Variants in VPS13B observed in about 807,000 individuals in gnomAD.
VPS13B encodes intermembrane lipid transfer protein VPS13B.
Under a neutral mutation model 426.4 loss-of-function variants are expected in VPS13B, and 285 were observed. The observed-to-expected ratio is 0.67, with a 90% confidence interval of 0.61 to 0.74. VPS13B has a LOEUF of 0.74. Ranked by LOEUF, VPS13B falls within the 30% of genes least tolerant of loss-of-function variation. VPS13B has a pLI of 0.00. For missense variants in VPS13B, 4,537 were observed against 4,782.6 expected (o/e 0.95, Z 1.51); for synonymous variants, 1,676 against 1,676.4 (o/e 1.00, Z 0.01).
At chr8:99,366,755 GTTGTATGTTT>G (rs1812915979) in intron 19 of VPS13B, among the ~76,000 whole-genome samples, 1 of 151,468 alleles carries the variant, frequency 6.6e-6, no homozygotes, top group East Asian at 1.9e-4. Flanking sequence ...TTGTGTATCT[GTTGTATGTTT>G]TTTGATTTAA....
chr8:99,446,740 C>T (rs987936037), intron 23 of VPS13B, among the ~76,000 whole-genome samples: 6 of 152,072 alleles, frequency 3.9e-5, no homozygotes, highest in Admixed American at 1.3e-4. Flanking sequence ...AATGGTACAA[C>T]GCTAAGTATA....
chr8:99,729,566 G>A (rs77369537), intron 39 of VPS13B, among the ~76,000 whole-genome samples: 5,329 of 152,256 alleles, frequency 0.035, 107 homozygotes, highest in East Asian at 0.046. Context: ...CAATGACTAT[G>A]TAATACATTG....
At chr8:99,281,418 T>A (rs567576165) in intron 19 of VPS13B, among the ~76,000 whole-genome samples, 39 of 152,316 alleles carry the variant, frequency 2.6e-4, no homozygotes, top group African/African-American at 9.1e-4. Flanking sequence ...TCAGAGATGT[T>A]CTTATAGTGA....
At chr8:99,503,899 G>T (rs1309368324) in intron 27 of VPS13B, among the ~76,000 whole-genome samples, 3 of 152,138 alleles carry the variant, frequency 2.0e-5, no homozygotes, top group African/African-American at 7.2e-5. Flanking sequence ...TGTTCTTAAT[G>T]GTGTCTACAG....
chr8:99,606,073 A>T (rs1827558049), intron 33 of VPS13B, among the ~76,000 whole-genome samples: 1 of 148,432 alleles, frequency 6.7e-6, no homozygotes, highest in Admixed American at 6.7e-5. Context: ...TTTTTGTATT[A>T]TTTTTTTTTT....
At chr8:99,053,361 A>G (rs566663011) in intron 3 of VPS13B, among the ~76,000 whole-genome samples, 4 of 151,986 alleles carry the variant, frequency 2.6e-5, no homozygotes, top group East Asian at 1.9e-4. Flanking sequence ...TCATTGTTCA[A>G]TTCCCACCTA....
At chr8:99,742,331 T>C (rs1809782618) in intron 39 of VPS13B, among the ~76,000 whole-genome samples, 1 of 152,110 alleles carries the variant, frequency 6.6e-6, no homozygotes, top group Admixed American at 6.5e-5. Context: ...AGGCAATAAT[T>C]AATAGCTTAG....
intron 27 of VPS13B, among the ~76,000 whole-genome samples, chr8:99,506,600 G>A (rs1821511846): frequency 6.6e-6 from 1 of 152,246 alleles, no homozygotes; most frequent in Admixed American, 6.5e-5. Context: ...GCTCACACCT[G>A]TGATCCCAGC....
intron 17 of VPS13B, among the ~76,000 whole-genome samples, chr8:99,204,858 G>T (rs1034228841): frequency 8.5e-5 from 13 of 152,204 alleles, no homozygotes; most frequent in African/African-American, 3.1e-4. Context: ...GGAAACAACA[G>T]ATGCTGGAGA....
In VPS13B at chr8:99,610,255, A is replaced by C. The variant is rs527710772; in HGVS notation, c.5221-31556A>C. Among the ~76,000 whole-genome samples, 6 of 152,288 alleles carry C rather than the reference A, an allele frequency of 3.9e-5. No homozygotes were observed. In the East Asian group the frequency reaches 1.2e-3, roughly 29 times the overall value. Reference sequence around the variant, plus strand: ...CCATTACTGGGCAAATACCCAAAGGATTATAAATCATCCTACTATAAAGAC... The same window carrying C: ...CCATTACTGGGCAAATACCCAAAGGCTTATAAATCATCCTACTATAAAGAC... On this transcript the variant is annotated intron_variant, in intron 33 of 61. Coordinates refer to ENST00000357162, the MANE Select transcript of VPS13B (RefSeq NM_152564.5).
intron 17 of VPS13B, among the ~76,000 whole-genome samples, chr8:99,263,591 C>G (rs557523174): frequency 3.7e-4 from 56 of 152,304 alleles, no homozygotes; most frequent in African/African-American, 1.3e-3. Context: ...CTTCCCCCAT[C>G]TCTAAAGCCA....
At chr8:99,086,753 C>A (rs545807063) in intron 3 of VPS13B, among the ~76,000 whole-genome samples, 1 of 152,194 alleles carries the variant, frequency 6.6e-6, no homozygotes, top group Non-Finnish European at 1.5e-5. Flanking sequence ...GTATCAGCAG[C>A]GGAGGCTGCA....
intron 41 of VPS13B, 117 bp downstream of exon 41, chr8:99,777,073 G>A (rs900138638): frequency 2.4e-5 from 32 of 1,310,002 alleles, no homozygotes; most frequent in Non-Finnish European, 2.9e-5. Flanking sequence ...AGTATAAAGC[G>A]AGCAGTGGCA....
intron 21 of VPS13B, among the ~76,000 whole-genome samples, chr8:99,411,347 G>T (rs574882973): frequency 1.3e-5 from 2 of 152,156 alleles, no homozygotes; most frequent in African/African-American, 4.8e-5. Flanking sequence ...ATTGTAGGCC[G>T]CATAAATGTC....
intron 29 of VPS13B, among the ~76,000 whole-genome samples, chr8:99,520,181 G>A (rs923072467): frequency 1.1e-4 from 16 of 152,054 alleles, no homozygotes; most frequent in East Asian, 1.9e-4. Flanking sequence ...AGTTTTAGAC[G>A]TCATTAGGAG....
intron 55 of VPS13B, among the ~76,000 whole-genome samples, chr8:99,851,330 C>T (rs1816283576): frequency 6.6e-6 from 1 of 152,082 alleles, no homozygotes; most frequent in Non-Finnish European, 1.5e-5. Context: ...CCAATCCCTT[C>T]CCTAGAGAAG....
chr8:99,602,038 A>G (rs1827324745), intron 33 of VPS13B, among the ~76,000 whole-genome samples: 1 of 152,060 alleles, frequency 6.6e-6, no homozygotes, highest in African/African-American at 2.4e-5. Context: ...TTTTGTTGCC[A>G]TTGCTTTTGG....
At chr8:99,859,891 C>T (rs188889442) in intron 57 of VPS13B, among the ~76,000 whole-genome samples, 2 of 152,306 alleles carry the variant, frequency 1.3e-5, no homozygotes, top group African/African-American at 4.8e-5. Context: ...TGGATACATT[C>T]TGACATGGAA....
At chr8:99,403,920 G>GA (rs1285269817) in intron 21 of VPS13B, among the ~76,000 whole-genome samples, 2 of 152,180 alleles carry the variant, frequency 1.3e-5, no homozygotes, top group Non-Finnish European at 2.9e-5. Flanking sequence ...AATCTGGAAG[G>GA]AAAAGACATG....
Sources: allele counts gnomAD v4.1 joint callset (sites outside exome capture counted in the v4.1 genomes callset), GRCh38; gene constraint gnomAD v4.1.1; transcripts MANE v1.5; gene names NCBI Gene and HGNC (gene_info 2026-07-23, HGNC 2026-07-21).